ANKRD27: variants seen among roughly 807,000 people sequenced by gnomAD.
ANKRD27 encodes the protein ankyrin repeat domain 27.
In ANKRD27, 112 loss-of-function variants were observed where a neutral mutation model predicts 129.7. The ratio of observed to expected loss-of-function variants is 0.86; its 90% confidence interval spans 0.74 to 1.01. The LOEUF is 1.01. Ranked by LOEUF, ANKRD27 falls within the 50% of genes least tolerant of loss-of-function variation. The pLI is 0.00. For missense variants in ANKRD27, 1,258 were observed against 1,300.5 expected (o/e 0.97, Z 0.50); for synonymous variants, 516 against 511.2 (o/e 1.01, Z -0.13).
At chr19:32,633,476 G>A (rs558696981) in intron 12 of ANKRD27, among the ~76,000 whole-genome samples, 147 of 151,620 alleles carry the variant, frequency 9.7e-4, no homozygotes, top group Non-Finnish European at 1.9e-3. Flanking sequence ...GGGACTAAAG[G>A]TGTGCCACCG....
At chr19:32,635,883 T>C (rs1967079073) in intron 12 of ANKRD27, among the ~76,000 whole-genome samples, 1 of 152,188 alleles carries the variant, frequency 6.6e-6, no homozygotes. Flanking sequence ...TACCGCCAAG[T>C]CACGTGGAGG....
chr19:32,628,931 G>T lies in ANKRD27; in HGVS notation c.1210-82C>A, dbSNP rs1018351795. On this transcript the variant is annotated intron_variant, in intron 13 of 28. Coordinates refer to ENST00000306065, the MANE Select transcript of ANKRD27 (RefSeq NM_032139.3). Reference sequence around the variant, plus strand: ...GTAAATTTTTTGAGAGTCCTTTTTGGTTTTTTTGAGATGGAGTCTCGTCCT... The same window carrying T: ...GTAAATTTTTTGAGAGTCCTTTTTGTTTTTTTTGAGATGGAGTCTCGTCCT... The T allele has an allele frequency of 1.6e-5, 24 of 1,530,384 alleles. No homozygotes were observed. The African/African-American group carries it at 3.0e-4, about 19-fold the overall frequency. The allele number at this position is 1,530,384 out of a possible 1,614,324, so 94.8% of individuals were successfully genotyped here.
chr19:32,655,190 T>G, intron 2 of ANKRD27: 1 of 152,292 alleles, frequency 6.6e-6, no homozygotes, highest in East Asian at 1.9e-4. Context: ...GATGCCAAAC[T>G]TAGTGTGGAG....
chr19:32,611,558 C>T (rs1355423204), intron 22 of ANKRD27, among the ~76,000 whole-genome samples: 1 of 152,160 alleles, frequency 6.6e-6, no homozygotes, highest in Non-Finnish European at 1.5e-5. Context: ...GCTAACACCA[C>T]TCTATCTATT....
intron 12 of ANKRD27, 167 bp downstream of exon 12, chr19:32,639,187 TGG>T (rs1967146891): frequency 1.4e-5 from 10 of 718,778 alleles, no homozygotes; most frequent in Non-Finnish European, 2.0e-5. Flanking sequence ...ATTGAGGGCT[TGG>T]TGTTCTCTTC....
intron 22 of ANKRD27, among the ~76,000 whole-genome samples, chr19:32,615,192 G>A (rs1971896812): frequency 6.6e-6 from 1 of 152,228 alleles, no homozygotes; most frequent in Non-Finnish European, 1.5e-5. Flanking sequence ...CCCGCCCTAG[G>A]CTAATGAGTC....
intron 1 of ANKRD27, among the ~76,000 whole-genome samples, chr19:32,664,043 G>A (rs867378087): frequency 1.3e-4 from 14 of 104,224 alleles, no homozygotes; most frequent in Non-Finnish European, 1.6e-4. Flanking sequence ...GCGACAGAGC[G>A]AGACTCTGTC....
At chr19:32,674,155 TCAAAAAGAAAAAAA>T (rs1486810271) in intron 1 of ANKRD27, among the ~76,000 whole-genome samples, 1 of 151,564 alleles carries the variant, frequency 6.6e-6, no homozygotes, top group East Asian at 1.9e-4. Context: ...AGACCCTGTC[TCAAAAAGAAAAAAA>T]CGAAAAGAAA....
At position 32,598,081 on chromosome 19, in the gene ANKRD27, C is replaced by T. The variant is rs566768915; in HGVS notation, c.*64G>A. On this transcript the variant is annotated 3_prime_UTR_variant, in exon 29 of 29. Coordinates refer to ENST00000306065, the MANE Select transcript of ANKRD27 (RefSeq NM_032139.3). ...CACATTTAGTTCTCAGATGTGTTCA[C>T]GCTCAGCATCATCTTGTTGCATCCT... 4.8e-5 allele frequency: 70 copies of T among 1,463,574 alleles called. No homozygotes were observed. The highest frequency in any genetic ancestry group is 6.7e-5 in the Admixed American group (4 of 59,336). The allele number at this position is 1,463,574 out of a possible 1,614,324, so 90.7% of individuals were successfully genotyped here.
At chr19:32,663,543 G>C (rs1967686715) in intron 1 of ANKRD27, among the ~76,000 whole-genome samples, 1 of 152,022 alleles carries the variant, frequency 6.6e-6, no homozygotes. Flanking sequence ...TCTCCATATA[G>C]TAAGCCAATC....
chr19:32,629,995 C>A (rs28532750), intron 13 of ANKRD27, among the ~76,000 whole-genome samples: 1 of 151,752 alleles, frequency 6.6e-6, no homozygotes, highest in Admixed American at 6.6e-5. Context: ...CTCAACCTCT[C>A]GGGCTCAAGT....
rs1317896690 is a variant in ANKRD27 at position 32,619,253 on chromosome 19, G to A, written c.2007+7C>T. On this transcript the variant is annotated splice_region_variant and intron_variant, in intron 20 of 28. Transcript: ENST00000306065. ...CCCCTCCCCAGCCCTTCCTCTGGAAGCCTCACCTCTCTGTAGTCCTTCTTG... is the reference window on the plus strand; with the variant it reads ...CCCCTCCCCAGCCCTTCCTCTGGAAACCTCACCTCTCTGTAGTCCTTCTTG... 6 of 1,609,134 alleles carry A rather than the reference G, an allele frequency of 3.7e-6. No individual in the cohort carries two copies. The highest frequency in any genetic ancestry group is 5.1e-6 in the Non-Finnish European group (6 of 1,177,334).
At chr19:32,648,769 C>T (rs1464594522) in intron 3 of ANKRD27, among the ~76,000 whole-genome samples, 1 of 147,720 alleles carries the variant, frequency 6.8e-6, no homozygotes, top group East Asian at 2.0e-4. Context: ...CACTGCACTC[C>T]AGCCTGGTGA....
At position 32,644,442 on chromosome 19, in the gene ANKRD27, T is replaced by G. The variant is rs761785507; in HGVS notation, c.408A>C (p.Lys136Asn). The G allele has an allele frequency of 2.5e-6, 4 of 1,614,032 alleles. No individual in the cohort carries two copies. The highest frequency in any genetic ancestry group is 3.4e-6 in the Non-Finnish European group (4 of 1,179,940). The change falls in exon 5 of 29, where the codon AAA (lysine) becomes AAC (asparagine). Residue 136 changes from lysine to asparagine, a missense_variant. Lys to Asn is a moderately conservative substitution (Grantham distance 94, BLOSUM62 0). Coordinates refer to ENST00000306065, the MANE Select transcript of ANKRD27 (RefSeq NM_032139.3). ...AGAACTCTCTCACATCTTCAATGGT[T>G]TTCAGGGAAAAGGGATCTGAGGGTG... ...PLAPSDPFSLKTIEDVREFLG... is the reference protein window; with the variant it reads ...PLAPSDPFSLNTIEDVREFLG...
In ANKRD27 at chr19:32,643,482, T is replaced by C; in HGVS notation, c.588A>G (p.Lys196=). The part of the protein sequence containing the change: ...LQQLLRDSHL[K]MLAKQEAQMN... ...TCTGGGCCTCCTGCTTGGCGAGCAT[T>C]TTCTAGAGGGCAAGAAAAGCACAGT... Residue 196 remains lysine (K), a splice_region_variant and synonymous_variant, in exon 7 of 29, where the codon AAA becomes AAG. Transcript: ENST00000306065. 1.9e-6 allele frequency: 3 copies of C among 1,613,640 alleles called. No homozygotes were observed. The highest frequency in any genetic ancestry group is 2.2e-5 in the South Asian group (2 of 91,050).
At chr19:32,647,491 C>T (rs1363241986) in intron 3 of ANKRD27, among the ~76,000 whole-genome samples, 1 of 152,220 alleles carries the variant, frequency 6.6e-6, no homozygotes, top group African/African-American at 2.4e-5. Flanking sequence ...TCAGGAATGG[C>T]CCTGTTTTTC....
intron 1 of ANKRD27, among the ~76,000 whole-genome samples, chr19:32,664,069 A>G (rs1255573408): frequency 1.6e-5 from 2 of 123,316 alleles, no homozygotes; most frequent in Admixed American, 1.5e-4. Context: ...AAAAAAAAAA[A>G]AAAAAGAAAG....
intron 1 of ANKRD27, among the ~76,000 whole-genome samples, chr19:32,666,848 T>C (rs1967768752): frequency 6.6e-6 from 1 of 152,082 alleles, no homozygotes; most frequent in Non-Finnish European, 1.5e-5. Context: ...GGTTTCATCA[T>C]GATGGCCACG....
At chr19:32,619,210 C>A in intron 20 of ANKRD27, 50 bp downstream of exon 20, 1 of 1,584,294 alleles carries the variant, frequency 6.3e-7, no homozygotes, top group African/African-American at 1.3e-5. Flanking sequence ...ACACCACTGC[C>A]CAGGGCCGCC....
Sources: allele counts gnomAD v4.1 joint callset (sites outside exome capture counted in the v4.1 genomes callset), GRCh38; gene constraint gnomAD v4.1.1; transcripts MANE v1.5; gene names NCBI Gene and HGNC (gene_info 2026-07-23, HGNC 2026-07-21).